Variants in SPECC1L observed in about 807,000 individuals in gnomAD.
SPECC1L encodes the protein sperm antigen with calponin homology and coiled-coil domains 1 like, also known as cytospin-A.
In SPECC1L, 40 loss-of-function variants were observed where a neutral mutation model predicts 116.8. The observed-to-expected ratio is 0.34, with a 90% CI of 0.27 to 0.45. The LOEUF (loss-of-function observed/expected upper bound fraction) is 0.45, where lower values mean the gene tolerates loss of function less well. SPECC1L is among the 20% of genes least tolerant of loss of function. The pLI is 1.00. For missense variants in SPECC1L, 1,110 were observed against 1,373.6 expected (o/e 0.81, Z 3.03); for synonymous variants, 504 against 500.6 (o/e 1.01, Z -0.09).
At chr22:24,373,278 T>C (rs765431113) in intron 14 of SPECC1L, among the ~76,000 whole-genome samples, 2 of 152,168 alleles carry the variant, frequency 1.3e-5, no homozygotes, top group Non-Finnish European at 2.9e-5. Flanking sequence ...AAAACTACTT[T>C]AAAGTTCATA....
rs114780095 is a variant in SPECC1L, at chr22:24,415,193, C to T, written c.*570C>T. ...CCACACCTGACGGGGCTGTCCCGGCCGACACAATCCAGGCGTGTTCAGCCT... is the reference window on the plus strand; with the variant it reads ...CCACACCTGACGGGGCTGTCCCGGCTGACACAATCCAGGCGTGTTCAGCCT... On this transcript the variant is annotated 3_prime_UTR_variant, in exon 17 of 17. Coordinates refer to ENST00000314328, the MANE Select transcript of SPECC1L (RefSeq NM_015330.6). 424 of 172,176 alleles carry T rather than the reference C, an allele frequency of 2.5e-3. 2 individuals are homozygous for T. The highest frequency in any genetic ancestry group is 3.0e-3 in the Middle Eastern group (1 of 336). The allele number at this position is 172,176 out of a possible 1,614,324, so 10.7% of individuals were successfully genotyped here. A position where few individuals can be genotyped will look rare whatever the true frequency, so the allele number is the denominator to read the frequency against.
chr22:24,351,608 G>A (rs934229989), intron 11 of SPECC1L, among the ~76,000 whole-genome samples: 2 of 152,122 alleles, frequency 1.3e-5, no homozygotes, highest in Non-Finnish European at 2.9e-5. Context: ...AACACACTTA[G>A]ATGAATCTAT....
chr22:24,284,715 G>A (rs761117532), intron 2 of SPECC1L, among the ~76,000 whole-genome samples: 2 of 152,136 alleles, frequency 1.3e-5, no homozygotes, highest in East Asian at 1.9e-4. Flanking sequence ...GATTACATGC[G>A]TGAACCACAA....
At chr22:24,273,829 G>A (rs969360739) in intron 1 of SPECC1L, among the ~76,000 whole-genome samples, 8 of 152,176 alleles carry the variant, frequency 5.3e-5, no homozygotes, top group African/African-American at 1.4e-4. Flanking sequence ...CATGATCTCC[G>A]CTCACCGCAA....
intron 14 of SPECC1L, among the ~76,000 whole-genome samples, chr22:24,404,688 C>T (rs1483362283): frequency 1.3e-5 from 2 of 152,184 alleles, no homozygotes; most frequent in African/African-American, 4.8e-5. Context: ...CCTGGCTGTT[C>T]TGACCCCAGT....
At chr22:24,405,218 C>T (rs1054850113) in intron 14 of SPECC1L, among the ~76,000 whole-genome samples, 1 of 152,114 alleles carries the variant, frequency 6.6e-6, no homozygotes, top group Non-Finnish European at 1.5e-5. Flanking sequence ...GCTGGGATTT[C>T]GAGCTAGTTT....
Position 24,322,711 on chromosome 22 carries a change from T to C in SPECC1L, c.1731T>C (p.Asn577=), listed in dbSNP as rs545441097. 3 of 1,595,844 alleles carry C rather than the reference T, an allele frequency of 1.9e-6. No homozygotes were observed. In the South Asian group the frequency reaches 3.4e-5, roughly 18 times the overall value. ...TGGCCAGTGACCAGATAGAGATGAATCGCCTGAAGGCTCAGCTGGAGAATG... is the reference window on the plus strand; with the variant it reads ...TGGCCAGTGACCAGATAGAGATGAACCGCCTGAAGGCTCAGCTGGAGAATG... ...ATVASDQIEM[N]RLKAQLENEK... Residue 577 remains asparagine, a synonymous_variant, in exon 5 of 17, where the codon AAT becomes AAC. Transcript: ENST00000314328.
chr22:24,277,966 G>A (rs2048869626), intron 2 of SPECC1L, among the ~76,000 whole-genome samples: 1 of 152,214 alleles, frequency 6.6e-6, no homozygotes, highest in Non-Finnish European at 1.5e-5. Context: ...CTGCTATAAT[G>A]TTCTCCAGAG....
In SPECC1L at chr22:24,414,939, A is replaced by G; in HGVS notation, c.*316A>G. 2 of 387,232 alleles carry G rather than the reference A, an allele frequency of 5.2e-6. No homozygotes were observed. The allele number at this position is 387,232 out of a possible 1,614,324, so 24.0% of individuals were successfully genotyped here. On this transcript the variant is annotated 3_prime_UTR_variant, in exon 17 of 17. Coordinates refer to ENST00000314328, the MANE Select transcript of SPECC1L (RefSeq NM_015330.6). ...CACTAGTGCTCCAGGGCACCAAACA[A>G]AAAGGGCTCATGCACAGCTGAATTT...
chr22:24,377,461 A>C (rs530918711), intron 14 of SPECC1L, among the ~76,000 whole-genome samples: 45 of 152,300 alleles, frequency 3.0e-4, no homozygotes, highest in African/African-American at 1.0e-3. Context: ...AAATTTTTAC[A>C]TGGACGTATG....
At chr22:24,341,789 A>G (rs893966058) in intron 10 of SPECC1L, among the ~76,000 whole-genome samples, 2 of 152,240 alleles carry the variant, frequency 1.3e-5, no homozygotes, top group Non-Finnish European at 2.9e-5. Flanking sequence ...TCCTCTTGCT[A>G]TCACTTAGAG....
At chr22:24,319,281 A>G (rs2040669429) in intron 4 of SPECC1L, among the ~76,000 whole-genome samples, 1 of 152,132 alleles carries the variant, frequency 6.6e-6, no homozygotes, top group East Asian at 1.9e-4. Context: ...TGGAAGGGGT[A>G]GCAGGCACAT....
At chr22:24,314,092 T>G (rs1360314281) in intron 4 of SPECC1L, among the ~76,000 whole-genome samples, 2 of 151,988 alleles carry the variant, frequency 1.3e-5, no homozygotes, top group Non-Finnish European at 2.9e-5. Context: ...TCACCCAGAC[T>G]GGAGTGCAAT....
At chr22:24,329,843 A>G (rs963737058) in intron 7 of SPECC1L, among the ~76,000 whole-genome samples, 1 of 148,684 alleles carries the variant, frequency 6.7e-6, no homozygotes, top group African/African-American at 2.5e-5. Context: ...CAGGCTATTT[A>G]TAGTTTTTCA....
chr22:24,322,768 C>T lies in SPECC1L; in HGVS notation c.1788C>T (p.Ile596=), dbSNP rs527859905. The part of the protein sequence containing the change: ...EKQKVAELYS[I]HNSGDKSDIQ... ...AGAAAGTGGCAGAGCTGTATTCTAT[C>T]CATAACTCTGGAGACAAATCTGATA... is the stretch of plus-strand genomic sequence containing the variant. Residue 596 remains isoleucine, a synonymous_variant, in exon 5 of 17, where the codon ATC becomes ATT. Transcript: ENST00000314328. The T allele has an allele frequency of 1.3e-6, 2 of 1,584,704 alleles. No individual in the cohort carries two copies. Among genetic ancestry groups the T allele is most frequent in the African/African-American group, 2.7e-5 (2 of 73,900 alleles).
chr22:24,394,688 G>C (rs77885838), intron 14 of SPECC1L, among the ~76,000 whole-genome samples: 5,119 of 152,234 alleles, frequency 0.034, 176 homozygotes, highest in African/African-American at 0.082. Context: ...TCATATCCTT[G>C]CCAAGACCAT....
chr22:24,274,689 G>A (rs181708122), intron 1 of SPECC1L, among the ~76,000 whole-genome samples: 87 of 152,262 alleles, frequency 5.7e-4, no homozygotes, highest in Non-Finnish European at 8.4e-4. Context: ...AAATCCAGAG[G>A]TTTACTTCTG....
At chr22:24,278,820 A>G (rs2048886530) in intron 2 of SPECC1L, among the ~76,000 whole-genome samples, 1 of 152,244 alleles carries the variant, frequency 6.6e-6, no homozygotes, top group South Asian at 2.1e-4. Flanking sequence ...TGCAGGTGAA[A>G]GTGGAAACAC....
intron 11 of SPECC1L, among the ~76,000 whole-genome samples, chr22:24,354,700 C>T (rs1412591683): frequency 6.6e-6 from 1 of 150,918 alleles, no homozygotes; most frequent in Non-Finnish European, 1.5e-5. Context: ...CAGAGTCTCA[C>T]CCTGTCGCTG....
Sources: gnomAD v4.1 joint callset for allele counts (sites outside exome capture counted in the v4.1 genomes callset) on GRCh38, gnomAD v4.1.1 for gene constraint, MANE v1.5 for transcripts, NCBI Gene and HGNC (gene_info 2026-07-23, HGNC 2026-07-21) for gene names.